ECPAS: variants seen among roughly 807,000 people sequenced by gnomAD.
The protein encoded by ECPAS is Ecm29 proteasome adaptor and scaffold.
Under a neutral mutation model 255.1 loss-of-function variants are expected in ECPAS, and 70 were observed. The ratio of observed to expected loss-of-function variants is 0.27; its 90% CI spans 0.23 to 0.33. The LOEUF (loss-of-function observed/expected upper bound fraction) is 0.33, where lower values mean the gene tolerates loss of function less well. Among genes scored for constraint, ECPAS ranks in the 10% least tolerant of loss-of-function variants. ECPAS has a pLI of 1.00. For missense variants in ECPAS, 1,817 were observed against 2,206.4 expected (o/e 0.82, Z 3.54); for synonymous variants, 784 against 775.0 (o/e 1.01, Z -0.19).
chr9:111,403,140 G>C (rs1005299556), intron 24 of ECPAS, among the ~76,000 whole-genome samples: 1 of 151,030 alleles, frequency 6.6e-6, no homozygotes, highest in African/African-American at 2.4e-5. Flanking sequence ...ATCACTTGAG[G>C]TCAGGGGTTC....
At chr9:111,389,387 T>C (rs1488233289) in intron 31 of ECPAS, among the ~76,000 whole-genome samples, 169 bp downstream of exon 31, 1 of 152,226 alleles carries the variant, frequency 6.6e-6, no homozygotes, top group African/African-American at 2.4e-5. Flanking sequence ...GCCATACACA[T>C]CTTTGATACC....
chr9:111,468,620 A>T (rs559735732), intron 2 of ECPAS, among the ~76,000 whole-genome samples: 1 of 149,660 alleles, frequency 6.7e-6, no homozygotes, highest in East Asian at 2.0e-4. Context: ...CTGGGCAAAG[A>T]GAGTGAGTGA....
At chr9:111,365,254 A>G (rs1016717611) in intron 48 of ECPAS, among the ~76,000 whole-genome samples, 4 of 151,746 alleles carry the variant, frequency 2.6e-5, no homozygotes. Context: ...TGGGTGACAG[A>G]GCAAGACCCT....
At chr9:111,388,179 A>T (rs2098153311) in intron 31 of ECPAS, among the ~76,000 whole-genome samples, 1 of 151,968 alleles carries the variant, frequency 6.6e-6, no homozygotes, top group Non-Finnish European at 1.5e-5. Flanking sequence ...TAAGAAAACC[A>T]AGACAAAGAG....
chr9:111,416,341 T>C lies in ECPAS; in HGVS notation c.1695A>G (p.Arg565=), dbSNP rs377507544. 679 of 1,613,372 alleles carry C rather than the reference T, an allele frequency of 4.2e-4. No homozygotes were observed. The highest frequency in any genetic ancestry group is 5.0e-4 in the Non-Finnish European group (586 of 1,179,502). ...VYYIQEKASH[R]MKTPVKYMTG... ...TCATGTACTTGACTGGAGTTTTCAT[T>C]CGATGAGAAGCCTAAGTTTAAAAAG... is the stretch of plus-strand genomic sequence containing the variant. The change falls in exon 18 of 50, where the codon CGA becomes CGG. Residue 565 remains arginine (R), a synonymous_variant. Transcript: ENST00000684092.
In ECPAS at chr9:111,378,805, T is replaced by C. The variant is rs2297527; in HGVS notation, c.3804-75A>G. The C allele has an allele frequency of 1.2e-4, 165 of 1,411,640 alleles. 2 individuals carry two copies. In the East Asian group the frequency reaches 3.9e-3, roughly 34 times the overall value. 87.4% of individuals were successfully genotyped at this position (1,411,640 alleles called of 1,614,324 possible). On this transcript the variant is annotated intron_variant, in intron 35 of 49. Coordinates refer to ENST00000684092, the MANE Select transcript of ECPAS (RefSeq NM_001364929.1). ...AGACCTACAAATCTAACCATGAGGA[T>C]GTTCTGCAGTTCACTGCATTAAAGC...
rs541601862 is a variant in ECPAS, at chr9:111,466,440, G to A, written c.22+6457C>T. ...AGCCTGGGCGACAGAGCGAGACTCC[G>A]TCTCAAAAAATAAAAAAAAAGAAAG... On this transcript the variant is annotated intron_variant, in intron 2 of 49. Transcript: ENST00000684092. Among the ~76,000 whole-genome samples the A allele has an allele frequency of 5.0e-4, 75 of 151,440 alleles. No individual in the cohort carries two copies. In the Middle Eastern group the frequency reaches 0.014, roughly 27 times the overall value.
chr9:111,425,527 G>C (rs746426178), intron 11 of ECPAS, 31 bp from the exon 12 acceptor site: 1 of 1,446,638 alleles, frequency 6.9e-7, no homozygotes, highest in African/African-American at 1.4e-5. Context: ...CACAAAGCAA[G>C]ATAAGAATCT....
At chr9:111,430,462 A>G (rs1252342593) in intron 9 of ECPAS, 85 bp downstream of exon 9, 1 of 841,246 alleles carries the variant, frequency 1.2e-6, no homozygotes, top group African/African-American at 1.7e-5. Context: ...AGCTTAAATG[A>G]AACTAGAAGA....
chr9:111,403,882 C>CA (rs967981222), intron 24 of ECPAS, among the ~76,000 whole-genome samples: 5 of 149,206 alleles, frequency 3.4e-5, no homozygotes, highest in African/African-American at 7.6e-5. Context: ...TCAAGCAATT[C>CA]AAAAAAAATC....
intron 1 of ECPAS, among the ~76,000 whole-genome samples, chr9:111,479,533 C>T (rs190579537): frequency 2.1e-3 from 321 of 152,148 alleles, no homozygotes; most frequent in African/African-American, 7.4e-3. Context: ...GTGGAGGTTG[C>T]AGTGAGCCAA....
chr9:111,467,082 A>G (rs2098280472), intron 2 of ECPAS, among the ~76,000 whole-genome samples: 1 of 152,234 alleles, frequency 6.6e-6, no homozygotes, highest in South Asian at 2.1e-4. Context: ...ACACAACTTT[A>G]ACTTCTAAAT....
intron 7 of ECPAS, among the ~76,000 whole-genome samples, 166 bp from the exon 8 acceptor site, chr9:111,433,538 A>G (rs1255726692): frequency 1.3e-5 from 2 of 152,248 alleles, no homozygotes; most frequent in Non-Finnish European, 2.9e-5. Context: ...ACTAAAGCAC[A>G]TATATTCATA....
intron 39 of ECPAS, 47 bp from the exon 40 acceptor site, chr9:111,373,453 GT>G: frequency 6.7e-7 from 1 of 1,484,388 alleles, no homozygotes; most frequent in Non-Finnish European, 9.4e-7. Flanking sequence ...TTGACCAAAT[GT>G]TCCACTCTGT....
chr9:111,444,167 A>G (rs1363758408), intron 4 of ECPAS, among the ~76,000 whole-genome samples: 3 of 152,004 alleles, frequency 2.0e-5, no homozygotes, highest in Non-Finnish European at 4.4e-5. Flanking sequence ...GTAAATAGCC[A>G]TTCATTACCC....
At chr9:111,440,587 G>A in intron 5 of ECPAS, 66 bp from the exon 6 acceptor site, 2 of 1,279,488 alleles carry the variant, frequency 1.6e-6, no homozygotes, top group Admixed American at 5.2e-5. Context: ...GCAAAACACA[G>A]ACAAAACAAA....
intron 24 of ECPAS, 48 bp downstream of exon 24, chr9:111,408,523 C>G (rs755438250): frequency 6.2e-6 from 7 of 1,128,742 alleles, no homozygotes; most frequent in Non-Finnish European, 8.5e-6. Context: ...AAAAAAAGAC[C>G]AATGCCTTTT....
rs755182219 is a variant in ECPAS at position 111,378,633 on chromosome 9, A to G, written c.3901T>C (p.Leu1301=). 7 of 1,613,692 alleles carry G rather than the reference A, an allele frequency of 4.3e-6. No homozygotes were observed. In the African/African-American group the frequency reaches 8.0e-5, roughly 18 times the overall value. The change falls in exon 36 of 50, where the codon TTG becomes CTG. Residue 1301 remains leucine (L), a synonymous_variant. Coordinates refer to ENST00000684092, the MANE Select transcript of ECPAS (RefSeq NM_001364929.1). ...IPALLESLSV[L]EPQVLNYLSL... ...AAATAATTGAGAACTTGGGGCTCCA[A>G]TACACTTAAGGACTCTAGCAGAGCT...
chr9:111,367,865 T>A (rs1019590326), intron 46 of ECPAS, among the ~76,000 whole-genome samples: 4 of 151,770 alleles, frequency 2.6e-5, no homozygotes, highest in African/African-American at 7.2e-5. Context: ...CTGGGCAACA[T>A]AGCAAGACCT....
Sources: gnomAD v4.1 joint callset for allele counts (sites outside exome capture counted in the v4.1 genomes callset) on GRCh38, gnomAD v4.1.1 for gene constraint, MANE v1.5 for transcripts, NCBI Gene and HGNC (gene_info 2026-07-23, HGNC 2026-07-21) for gene names.